Variants in PARD3B observed in about 807,000 individuals in gnomAD.
PARD3B encodes partitioning defective 3 homolog B.
A neutral mutation model predicts 130.2 loss-of-function variants in PARD3B; 103 were observed. That is an observed-to-expected ratio of 0.79 (90% CI 0.67 to 0.93). The LOEUF is 0.93. Ranked by LOEUF, PARD3B falls within the 40% of genes least tolerant of loss-of-function variation. PARD3B has a pLI of 0.00. For missense variants in PARD3B, 1,609 were observed against 1,499.2 expected, an observed-to-expected ratio of 1.07 and a Z score of -1.21; for synonymous variants, 583 against 553.2, an observed-to-expected ratio of 1.05 and a Z score of -0.76.
At position 204,987,183 on chromosome 2, in the gene PARD3B, A is replaced by T. The variant is rs73984491; in HGVS notation, c.394+21860A>T. ...TGTGACTATGAAGTACCCAGTTAAAATACCCTAAAAGAAAAAAATGAAAGC... is the reference window on the plus strand; with the variant it reads ...TGTGACTATGAAGTACCCAGTTAAATTACCCTAAAAGAAAAAAATGAAAGC... On this transcript the variant is annotated intron_variant, in intron 3 of 22. Coordinates refer to ENST00000406610, the MANE Select transcript of PARD3B (RefSeq NM_001302769.2). Among the ~76,000 whole-genome samples the T allele has an allele frequency of 6.2e-3, 943 of 152,316 alleles. 10 individuals carry two copies. Among genetic ancestry groups the T allele is most frequent in the African/African-American group, 0.022 (901 of 41,572 alleles).
chr2:205,158,599 T>TTA lies in PARD3B; in HGVS notation c.1435-122_1435-121dup, dbSNP rs1408087372. 1.8e-5 allele frequency: 18 copies of TTA among 1,002,826 alleles called. No individual in the cohort carries two copies. The highest frequency in any genetic ancestry group is 7.0e-5 in the Admixed American group (3 of 42,894). 62.1% of individuals were successfully genotyped at this position (1,002,826 alleles called of 1,614,324 possible). Reference sequence around the variant, plus strand: ...CCAGCCTTTGCCTGCCAGGAGCCGATTACAGCTGTGAGAGGTCCAGTCATC... The same window carrying TTA: ...CCAGCCTTTGCCTGCCAGGAGCCGATTATACAGCTGTGAGAGGTCCAGTCATC... On this transcript the variant is annotated intron_variant, in intron 10 of 22. Transcript: ENST00000406610. This position sits in a 1 kb window ranked among gnomAD's most constrained non-coding sequence, Gnocchi z 5.4.
At position 205,058,905 on chromosome 2, in the gene PARD3B, T is replaced by C. The variant is rs117509763; in HGVS notation, c.504+11215T>C. 3.1e-4 allele frequency among the ~76,000 whole-genome samples: 47 copies of C among 152,114 alleles called. 1 individual carries two copies. The East Asian group carries it at 8.9e-3, about 29-fold the overall frequency. On this transcript the variant is annotated intron_variant, in intron 4 of 22. Transcript: ENST00000406610. The stretch of plus-strand genomic sequence containing the variant: ...TTCTTTACATTGCCCCTTCACTCTA[T>C]TGTGTCCTTTGTGCAGACATTTTTA...
At chr2:204,661,754 A>G (rs923718715) in intron 1 of PARD3B, among the ~76,000 whole-genome samples, 6 of 152,232 alleles carry the variant, frequency 3.9e-5, no homozygotes, top group Non-Finnish European at 8.8e-5. Flanking sequence ...GAAAATAACT[A>G]TCTTCTAAGA....
chr2:204,777,835 A>G (rs2041687247), intron 2 of PARD3B, among the ~76,000 whole-genome samples: 1 of 152,010 alleles, frequency 6.6e-6, no homozygotes, highest in South Asian at 2.1e-4. Flanking sequence ...CGAGGGAGGG[A>G]ACTGTAATCC....
chr2:204,801,454 G>A (rs2042565154), intron 2 of PARD3B, among the ~76,000 whole-genome samples: 1 of 152,036 alleles, frequency 6.6e-6, no homozygotes, highest in Non-Finnish European at 1.5e-5. Flanking sequence ...GTATACCTAG[G>A]TATTTTATTC....
At chr2:204,676,160 T>C (rs1238324551) in intron 1 of PARD3B, among the ~76,000 whole-genome samples, 1 of 151,908 alleles carries the variant, frequency 6.6e-6, no homozygotes, top group Non-Finnish European at 1.5e-5. Flanking sequence ...AGGAGAACTA[T>C]TTTAGAGTGA....
At chr2:204,933,362 G>T (rs966726799) in intron 2 of PARD3B, among the ~76,000 whole-genome samples, 1 of 152,112 alleles carries the variant, frequency 6.6e-6, no homozygotes, top group African/African-American at 2.4e-5. Context: ...AGATCACAGG[G>T]ACTTTAATTA....
At chr2:205,226,400 C>T (rs2038552488) in intron 15 of PARD3B, among the ~76,000 whole-genome samples, 1 of 152,178 alleles carries the variant, frequency 6.6e-6, no homozygotes, top group Non-Finnish European at 1.5e-5. Flanking sequence ...GTTGCTTGTA[C>T]TTGTGGAGTA....
intron 1 of PARD3B, among the ~76,000 whole-genome samples, chr2:204,587,983 C>A (rs1226470234): frequency 6.6e-6 from 1 of 152,168 alleles, no homozygotes; most frequent in Non-Finnish European, 1.5e-5. Flanking sequence ...AAACCTCTTT[C>A]ATTTATAAAT....
At chr2:204,657,067 T>G (rs1248305335) in intron 1 of PARD3B, among the ~76,000 whole-genome samples, 1 of 152,186 alleles carries the variant, frequency 6.6e-6, no homozygotes, top group Non-Finnish European at 1.5e-5. Flanking sequence ...TGTATTAGAC[T>G]TTGAAGAGTT....
chr2:205,586,616 TTAGATA>T lies in PARD3B; in HGVS notation c.3261-28837_3261-28832del, dbSNP rs542762155. ...TAAGATATACAAAATTATATACATATTAGATATATTTTTATATACATATATATAATT... is the reference window on the plus strand; with the variant it reads ...TAAGATATACAAAATTATATACATATTATTTTTATATACATATATATAATT... On this transcript the variant is annotated intron_variant, in intron 22 of 22. Coordinates refer to ENST00000406610, the MANE Select transcript of PARD3B (RefSeq NM_001302769.2). Among the ~76,000 whole-genome samples, 475 of 151,936 alleles carry T rather than the reference TTAGATA, an allele frequency of 3.1e-3. 2 individuals are homozygous for T. Among genetic ancestry groups the T allele is most frequent in the African/African-American group, 0.011 (454 of 41,524 alleles).
chr2:205,370,109 G>C (rs1262882097), intron 18 of PARD3B, among the ~76,000 whole-genome samples: 1 of 152,114 alleles, frequency 6.6e-6, no homozygotes, highest in Admixed American at 6.5e-5. Flanking sequence ...GGTCCAGAGG[G>C]AGAAAAAGGC....
intron 2 of PARD3B, among the ~76,000 whole-genome samples, chr2:204,773,398 A>T (rs13424163): frequency 0.045 from 6,595 of 146,116 alleles, 198 homozygotes; most frequent in East Asian, 0.17. Flanking sequence ...ATATATATAT[A>T]TTTTTTTTCT....
chr2:204,943,837 A>G lies in PARD3B; in HGVS notation c.223-21315A>G, dbSNP rs1689103036. The stretch of plus-strand genomic sequence containing the variant: ...GGAGACTGAGGCAACAAAGTTATAT[A>G]TAACACTAGAAAACTGAGATTTCAG... On this transcript the variant is annotated intron_variant, in intron 2 of 22. Transcript: ENST00000406610. This position sits in a 1 kb window ranked among gnomAD's most constrained non-coding sequence, Gnocchi z 4.2. Among the ~76,000 whole-genome samples the G allele has an allele frequency of 6.6e-6, 1 of 152,192 alleles. No individual in the cohort carries two copies. The highest frequency in any genetic ancestry group is 1.5e-5 in the Non-Finnish European group (1 of 68,030).
chr2:204,602,420 CA>C (rs565356766), intron 1 of PARD3B, among the ~76,000 whole-genome samples: 4 of 151,236 alleles, frequency 2.6e-5, no homozygotes, highest in Non-Finnish European at 5.9e-5. Context: ...TACAAAGACA[CA>C]GTTTAAAAAA....
At chr2:204,871,191 A>G (rs1325413014) in intron 2 of PARD3B, among the ~76,000 whole-genome samples, 1 of 152,022 alleles carries the variant, frequency 6.6e-6, no homozygotes, top group Non-Finnish European at 1.5e-5. Flanking sequence ...TTTACTGCAT[A>G]TTTTTGTGTT....
rs1282681625 is a variant in PARD3B, at chr2:204,992,158, T to A, written c.394+26835T>A. Among the ~76,000 whole-genome samples, 1,191 of 150,960 alleles carry A rather than the reference T, an allele frequency of 7.9e-3. 16 individuals carry two copies. The highest frequency in any genetic ancestry group is 0.028 in the African/African-American group (1,141 of 41,090). On this transcript the variant is annotated intron_variant, in intron 3 of 22. Coordinates refer to ENST00000406610, the MANE Select transcript of PARD3B (RefSeq NM_001302769.2). Reference sequence around the variant, plus strand: ...TGGACATGAAGTCTTTGCCCACGCCTATGTCCTGAATGGTAATGCCTAGGT... The same window carrying A: ...TGGACATGAAGTCTTTGCCCACGCCAATGTCCTGAATGGTAATGCCTAGGT...
At chr2:205,124,548 A>AATATTAATATATTTAC in intron 9 of PARD3B, 82 bp downstream of exon 9, 1 of 932,896 alleles carries the variant, frequency 1.1e-6, no homozygotes, top group Non-Finnish European at 1.4e-6. Context: ...AATATATGTA[A>AATATTAATATATTTAC]ATATATTAAT....
At chr2:205,052,419 G>GTATATATATA (rs869192541) in intron 4 of PARD3B, among the ~76,000 whole-genome samples, 1 of 39,758 alleles carries the variant, frequency 2.5e-5, no homozygotes, top group South Asian at 1.2e-3. Context: ...ATATATATAT[G>GTATATATATA]TATATATATA....
Sources: gnomAD v4.1 joint callset for allele counts (sites outside exome capture counted in the v4.1 genomes callset) on GRCh38, gnomAD v4.1.1 for gene constraint, Gnocchi (gnomAD v3.1) non-coding constraint, MANE v1.5 for transcripts, NCBI Gene and HGNC (gene_info 2026-07-23, HGNC 2026-07-21) for gene names.